XXYLT1: variants seen among roughly 807,000 people sequenced by gnomAD.
XXYLT1 encodes xyloside xylosyltransferase 1.
XXYLT1 carries 20 observed loss-of-function variants against 28.9 expected under a neutral mutation model. The ratio of observed to expected loss-of-function variants is 0.69; its 90% CI spans 0.49 to 1.00. The LOEUF (loss-of-function observed/expected upper bound fraction) is 1.00, where lower values mean the gene tolerates loss of function less well. XXYLT1 is among the 50% of genes least tolerant of loss of function. XXYLT1 has a pLI of 0.00. For synonymous variants in XXYLT1, 257 were observed against 253.8 expected (o/e 1.01, Z -0.12); for missense variants, 542 against 560.1 (o/e 0.97, Z 0.33).
intron 3 of XXYLT1, among the ~76,000 whole-genome samples, chr3:195,139,090 T>C (rs1719349782): frequency 6.6e-6 from 1 of 151,960 alleles, no homozygotes; most frequent in Non-Finnish European, 1.5e-5. Flanking sequence ...GCCCCCAGTG[T>C]CAGGCTAAGG....
chr3:195,270,226 T>G, intron 1 of XXYLT1: 1 of 579,580 alleles, frequency 1.7e-6, no homozygotes, highest in South Asian at 1.6e-5. Context: ...TAAACAGAGG[T>G]GCAGACTCTG....
At chr3:195,087,710 G>C (rs147817764) in intron 3 of XXYLT1, among the ~76,000 whole-genome samples, 2,698 of 152,278 alleles carry the variant, frequency 0.018, 49 homozygotes, top group African/African-American at 0.049. Context: ...CAGCTCTGGT[G>C]TACAGCTCCC....
At chr3:195,177,716 G>A (rs1287746345) in intron 2 of XXYLT1, among the ~76,000 whole-genome samples, 1 of 151,848 alleles carries the variant, frequency 6.6e-6, no homozygotes, top group East Asian at 1.9e-4. Flanking sequence ...GCTGAGTGCA[G>A]GTGTTTGAAA....
intron 2 of XXYLT1, among the ~76,000 whole-genome samples, chr3:195,203,478 C>T (rs1285792435): frequency 6.6e-6 from 1 of 152,184 alleles, no homozygotes; most frequent in Non-Finnish European, 1.5e-5. Context: ...CCCCATGCCA[C>T]CCCCAGGCTT....
chr3:195,106,123 A>G (rs1170719463), intron 3 of XXYLT1, among the ~76,000 whole-genome samples: 1 of 152,268 alleles, frequency 6.6e-6, no homozygotes, highest in Admixed American at 6.5e-5. Context: ...TAATAAAGTT[A>G]CCAATCAATA....
chr3:195,207,500 T>C (rs1181284427), intron 2 of XXYLT1: 7 of 455,706 alleles, frequency 1.5e-5, no homozygotes, highest in Non-Finnish European at 2.2e-5. Flanking sequence ...GTGTACACTC[T>C]ATGGAAAAAA....
chr3:195,245,942 C>A (rs1289018310), intron 1 of XXYLT1, among the ~76,000 whole-genome samples: 1 of 152,236 alleles, frequency 6.6e-6, no homozygotes, highest in African/African-American at 2.4e-5. Context: ...CCCTTCTCTA[C>A]AGCCTGCAGA....
intron 3 of XXYLT1, among the ~76,000 whole-genome samples, chr3:195,136,532 C>T (rs910529270): frequency 1.8e-4 from 28 of 152,146 alleles, no homozygotes; most frequent in African/African-American, 6.0e-4. Flanking sequence ...CAAGCGGCCC[C>T]GGGTGAACGC....
rs1560105531 is a variant in XXYLT1 at position 195,118,714 on chromosome 3, G to C, written c.785+37735C>G. On this transcript the variant is annotated intron_variant, in intron 3 of 3. Transcript: ENST00000310380. The stretch of plus-strand genomic sequence containing the variant: ...CCATGGTGAGTTAAATCTCATTAAT[G>C]CAAAACCTACCAACCCAGAATTAGA... Among the ~76,000 whole-genome samples, 3 of 152,214 alleles carry C rather than the reference G, an allele frequency of 2.0e-5. No homozygotes were observed. The East Asian group carries it at 5.8e-4, about 29-fold the overall frequency.
At chr3:195,110,977 G>C (rs66488339) in intron 3 of XXYLT1, among the ~76,000 whole-genome samples, 98,181 of 143,730 alleles carry the variant, frequency 0.68, 33,816 homozygotes, top group Middle Eastern at 0.72. Context: ...TTATTTTCTA[G>C]GGCTGCCACG....
At chr3:195,184,741 T>A in intron 2 of XXYLT1, 1 of 985,362 alleles carries the variant, frequency 1.0e-6, no homozygotes, top group South Asian at 4.7e-5. Context: ...ATAGACACAG[T>A]AGGCTGGGAA....
chr3:195,178,912 A>G (rs995978914), intron 2 of XXYLT1, among the ~76,000 whole-genome samples: 1 of 152,268 alleles, frequency 6.6e-6, no homozygotes, highest in African/African-American at 2.4e-5. Context: ...TTTGGAAAAC[A>G]TAAGAAAGAG....
intron 2 of XXYLT1, among the ~76,000 whole-genome samples, chr3:195,169,439 G>C (rs1486331108): frequency 6.6e-6 from 1 of 152,198 alleles, no homozygotes; most frequent in Non-Finnish European, 1.5e-5. Flanking sequence ...CAACACAAAG[G>C]TGTGCGTACA....
At chr3:195,206,863 G>A (rs1186385528) in intron 2 of XXYLT1, among the ~76,000 whole-genome samples, 1 of 152,112 alleles carries the variant, frequency 6.6e-6, no homozygotes, top group Non-Finnish European at 1.5e-5. Flanking sequence ...GCGATGGGTG[G>A]GAGTCGAGAT....
At chr3:195,145,787 T>C (rs932786602) in intron 3 of XXYLT1, among the ~76,000 whole-genome samples, 26 of 152,248 alleles carry the variant, frequency 1.7e-4, no homozygotes, top group African/African-American at 6.3e-4. Flanking sequence ...ACGCCAATTC[T>C]GGCTCAGCTT....
chr3:195,144,151 C>T (rs1427676964), intron 3 of XXYLT1, among the ~76,000 whole-genome samples: 2 of 150,162 alleles, frequency 1.3e-5, no homozygotes, highest in African/African-American at 4.9e-5. Context: ...GCCTGGGCCT[C>T]CCAAAGTGCT....
In XXYLT1 at chr3:195,078,883, C is replaced by G. The variant is rs1361767329; in HGVS notation, c.786-8772G>C. Among the ~76,000 whole-genome samples, 1 of 152,190 alleles carries G rather than the reference C, an allele frequency of 6.6e-6. No individual in the cohort carries two copies. Among genetic ancestry groups the G allele is most frequent in the African/African-American group, 2.4e-5 (1 of 41,434 alleles). On this transcript the variant is annotated intron_variant, in intron 3 of 3. Coordinates refer to ENST00000310380, the MANE Select transcript of XXYLT1 (RefSeq NM_152531.5). This position sits in a 1 kb window ranked among gnomAD's most constrained non-coding sequence, Gnocchi z 5.0. The stretch of plus-strand genomic sequence containing the variant: ...AATTCCAAATGCTGATGGCCCTTCC[C>G]TTCACCTTGACCACAGTGTCCTCAA...
At chr3:195,245,159 A>ATTTT (rs533706205) in intron 1 of XXYLT1, among the ~76,000 whole-genome samples, 1 of 132,364 alleles carries the variant, frequency 7.6e-6, no homozygotes, top group African/African-American at 2.8e-5. Context: ...GCCCAAGAAA[A>ATTTT]TTTTTTTTTT....
At chr3:195,117,672 A>G (rs559447047) in intron 3 of XXYLT1, among the ~76,000 whole-genome samples, 1 of 152,280 alleles carries the variant, frequency 6.6e-6, no homozygotes, top group African/African-American at 2.4e-5. Context: ...ACATGCATGC[A>G]CACATCCAGG....
Sources: gnomAD v4.1 joint callset for allele counts (sites outside exome capture counted in the v4.1 genomes callset) on GRCh38, gnomAD v4.1.1 for gene constraint, Gnocchi (gnomAD v3.1) non-coding constraint, MANE v1.5 for transcripts, NCBI Gene and HGNC (gene_info 2026-07-23, HGNC 2026-07-21) for gene names.